PRKRIP1: variants seen among roughly 807,000 people sequenced by gnomAD.
PRKRIP1 encodes PRKR-interacting protein 1.
Under a neutral mutation model 29.3 loss-of-function variants are expected in PRKRIP1, and 29 were observed. That is an observed-to-expected ratio of 0.99 (90% CI 0.74 to 1.35). PRKRIP1 has a LOEUF of 1.35. Among genes scored for constraint, PRKRIP1 ranks in the 40% most tolerant of loss-of-function variants. PRKRIP1 has a pLI of 0.00. For missense variants in PRKRIP1, 247 were observed against 236.8 expected, an observed-to-expected ratio of 1.04 and a Z score of -0.28; for synonymous variants, 90 against 85.1, an observed-to-expected ratio of 1.06 and a Z score of -0.32.
intron 5 of PRKRIP1, among the ~76,000 whole-genome samples, chr7:102,420,536 G>T (rs113722198): frequency 6.6e-6 from 1 of 152,144 alleles, no homozygotes; most frequent in Non-Finnish European, 1.5e-5. Flanking sequence ...TTACTGTTAT[G>T]TATTTGTTAT....
rs1586669815 is a variant in PRKRIP1, at chr7:102,396,399, C to G, written c.-13C>G. 1.3e-6 allele frequency: 2 copies of G among 1,543,532 alleles called. No homozygotes were observed. Among genetic ancestry groups the G allele is most frequent in the Non-Finnish European group, 1.7e-6 (2 of 1,151,878 alleles). Reference sequence around the variant, plus strand: ...CCGACGCCGCCGCTCGCTTGTGAAACTGGAAGGCTGCCATGGCTAGCCCAG... The same window carrying G: ...CCGACGCCGCCGCTCGCTTGTGAAAGTGGAAGGCTGCCATGGCTAGCCCAG... On this transcript the variant is annotated 5_prime_UTR_variant, in exon 1 of 6. Transcript: ENST00000397912.
intron 3 of PRKRIP1, among the ~76,000 whole-genome samples, chr7:102,400,859 C>T (rs1796048724): frequency 6.6e-6 from 1 of 152,146 alleles, no homozygotes; most frequent in South Asian, 2.1e-4. Flanking sequence ...TGGTCTTGAA[C>T]TCCTGACCTC....
At chr7:102,400,046 G>A (rs1222409927) in intron 3 of PRKRIP1, among the ~76,000 whole-genome samples, 1 of 151,160 alleles carries the variant, frequency 6.6e-6, no homozygotes, top group Non-Finnish European at 1.5e-5. Flanking sequence ...AAGCGTTTGA[G>A]GAAGAATAGA....
At chr7:102,396,675 G>GGGAGGA (rs1159979481) in intron 1 of PRKRIP1, 138 bp downstream of exon 1, 9 of 879,178 alleles carry the variant, frequency 1.0e-5, no homozygotes, top group Non-Finnish European at 1.5e-5. Context: ...GCAGTCTTTG[G>GGGAGGA]GGAGGAGGAG....
rs1280725051 is a variant in PRKRIP1 at position 102,403,195 on chromosome 7, C to A, written c.307-1403C>A. Among the ~76,000 whole-genome samples the A allele has an allele frequency of 3.3e-5, 5 of 152,134 alleles. No individual in the cohort carries two copies. In the East Asian group the frequency reaches 9.6e-4, roughly 29 times the overall value. The stretch of plus-strand genomic sequence containing the variant: ...CGGACTTCACAGCTCAGCTTCTAAG[C>A]AAATCAGATCTTTTAGATTTAAGTC... On this transcript the variant is annotated intron_variant, in intron 3 of 5. Transcript: ENST00000397912.
chr7:102,404,743 C>T, intron 4 of PRKRIP1, 60 bp downstream of exon 4: 1 of 1,342,968 alleles, frequency 7.4e-7, no homozygotes, highest in Non-Finnish European at 1.1e-6. Context: ...GCTGGGTGAG[C>T]TGTCCTTGCA....
At chr7:102,407,398 G>A (rs1249784380) in intron 4 of PRKRIP1, 36 bp from the exon 5 acceptor site, 2 of 1,343,594 alleles carry the variant, frequency 1.5e-6, no homozygotes, top group Admixed American at 1.7e-5. Context: ...CCATAATGTA[G>A]TTAAGGAATC....
At chr7:102,407,562 T>A in intron 5 of PRKRIP1, 64 bp downstream of exon 5, 1 of 1,248,256 alleles carries the variant, frequency 8.0e-7, no homozygotes, top group Non-Finnish European at 1.2e-6. Context: ...GTGGCTGAAC[T>A]GTCAGGAAAC....
At position 102,407,216 on chromosome 7, in the gene PRKRIP1, C is replaced by CA. The variant is rs1395892019; in HGVS notation, c.393-204dup. Among the ~76,000 whole-genome samples the CA allele has an allele frequency of 8.7e-3, 910 of 104,940 alleles. 9 individuals are homozygous for CA. The highest frequency in any genetic ancestry group is 0.025 in the African/African-American group (706 of 28,120). 68.8% of individuals were successfully genotyped at this position (104,940 alleles called of 152,430 possible). A position where few individuals can be genotyped will look rare whatever the true frequency, so the allele number is the denominator to read the frequency against. On this transcript the variant is annotated intron_variant, in intron 4 of 5. Coordinates refer to ENST00000397912, the MANE Select transcript of PRKRIP1 (RefSeq NM_024653.4). ...GGTGACAGAGTGAGAGAATCCGTCT[C>CA]AAAAAAAAAAAAAAGAAGATATTCC...
intron 5 of PRKRIP1, among the ~76,000 whole-genome samples, chr7:102,417,102 GC>G (rs1796573491): frequency 6.6e-6 from 1 of 152,100 alleles, no homozygotes; most frequent in East Asian, 1.9e-4. Flanking sequence ...TGATCCACCC[GC>G]CTCAGCCTCC....
At chr7:102,400,757 T>C (rs1469585080) in intron 3 of PRKRIP1, among the ~76,000 whole-genome samples, 1 of 152,160 alleles carries the variant, frequency 6.6e-6, no homozygotes, top group Non-Finnish European at 1.5e-5. Context: ...TGCCTCAGCT[T>C]CCTGAGTAGC....
chr7:102,406,796 G>GA (rs1796235369), intron 4 of PRKRIP1, among the ~76,000 whole-genome samples: 1 of 148,154 alleles, frequency 6.7e-6, no homozygotes, highest in Non-Finnish European at 1.5e-5. Context: ...ATTTGAATAA[G>GA]AAAATCACTT....
chr7:102,400,996 G>A (rs1429578189), intron 3 of PRKRIP1, among the ~76,000 whole-genome samples: 3 of 152,140 alleles, frequency 2.0e-5, no homozygotes, highest in South Asian at 2.1e-4. Context: ...ATTTAATAAC[G>A]TGCATGCTTG....
chr7:102,414,714 A>G (rs1210463738), intron 5 of PRKRIP1, among the ~76,000 whole-genome samples: 1 of 152,090 alleles, frequency 6.6e-6, no homozygotes, highest in African/African-American at 2.4e-5. Context: ...GTAAAACCCT[A>G]TCTCTACACA....
intron 5 of PRKRIP1, among the ~76,000 whole-genome samples, chr7:102,421,664 T>G (rs1468654701): frequency 6.6e-6 from 1 of 151,956 alleles, no homozygotes; most frequent in Non-Finnish European, 1.5e-5. Context: ...GGGTGTAGTG[T>G]CACACACCTG....
chr7:102,405,169 C>T (rs900944667), intron 4 of PRKRIP1, among the ~76,000 whole-genome samples: 8 of 152,140 alleles, frequency 5.3e-5, no homozygotes, highest in African/African-American at 1.7e-4. Context: ...TCAGGTGATC[C>T]GCCTGCTTCG....
At chr7:102,399,988 C>G (rs1554570992) in intron 3 of PRKRIP1, among the ~76,000 whole-genome samples, 1 of 131,632 alleles carries the variant, frequency 7.6e-6, no homozygotes, top group Admixed American at 8.0e-5. Flanking sequence ...GCAACAAGAG[C>G]GAAACTCCAT....
intron 5 of PRKRIP1, among the ~76,000 whole-genome samples, chr7:102,421,390 CAAAAATTAG>C (rs1796688140): frequency 6.6e-6 from 1 of 151,448 alleles, no homozygotes; most frequent in African/African-American, 2.4e-5. Flanking sequence ...ACAAAAAATA[CAAAAATTAG>C]CCAGGTGTGG....
intron 5 of PRKRIP1, among the ~76,000 whole-genome samples, chr7:102,416,378 C>CT (rs531034815): frequency 3.3e-5 from 5 of 152,186 alleles, no homozygotes; most frequent in Non-Finnish European, 4.4e-5. Context: ...AGCTGAAGTC[C>CT]ATACATTATT....
Sources: allele counts gnomAD v4.1 joint callset (sites outside exome capture counted in the v4.1 genomes callset), GRCh38; gene constraint gnomAD v4.1.1; transcripts MANE v1.5; gene names NCBI Gene and HGNC (gene_info 2026-07-23, HGNC 2026-07-21).